AKAP9: variants seen among roughly 807,000 people sequenced by gnomAD.
AKAP9 encodes A-kinase anchoring protein 9.
Under a neutral mutation model 488.5 loss-of-function variants are expected in AKAP9, and 311 were observed. The ratio of observed to expected loss-of-function variants is 0.64; its 90% confidence interval spans 0.58 to 0.70. AKAP9 has a LOEUF of 0.70. AKAP9 is among the 30% of genes least tolerant of loss of function. The probability of loss-of-function intolerance (pLI) is 0.00; values close to 1 mark genes in which losing one functional copy is unlikely to be tolerated. For synonymous variants in AKAP9, 1,462 were observed against 1,483.5 expected, an observed-to-expected ratio of 0.99 and a Z score of 0.33; for missense variants, 4,215 against 4,374.5, an observed-to-expected ratio of 0.96 and a Z score of 1.03.
chr7:91,999,182 C>G (rs966546939), intron 7 of AKAP9, among the ~76,000 whole-genome samples: 2 of 152,132 alleles, frequency 1.3e-5, no homozygotes. Context: ...CTGAGACGAG[C>G]TACCTCAGAA....
chr7:92,079,926 G>T lies in AKAP9; in HGVS notation c.7793G>T (p.Gly2598Val). The change falls in exon 31 of 50, where the codon GGG becomes GTG. Residue 2598 changes from glycine (G) to valine (V), a missense_variant. Gly to Val is a moderately radical substitution (Grantham distance 109). Transcript: ENST00000356239. The stretch of plus-strand genomic sequence containing the variant: ...AATCAACTAAGAGAAGATGAGTTGG[G>T]GTCAGATATATCAGCATTAACCTTG... ...NLNQLREDEL[G>V]SDISALTLRI... The T allele has an allele frequency of 1.2e-6, 2 of 1,613,118 alleles. No individual in the cohort carries two copies. Among genetic ancestry groups the T allele is most frequent in the Non-Finnish European group, 1.7e-6 (2 of 1,179,594 alleles).
intron 28 of AKAP9, among the ~76,000 whole-genome samples, chr7:92,074,180 A>G (rs1474166331): frequency 6.6e-6 from 1 of 152,220 alleles, no homozygotes; most frequent in Non-Finnish European, 1.5e-5. Context: ...ACAAGAAAAA[A>G]CAACCCCATC....
chr7:92,088,757 T>C (rs182587325), intron 37 of AKAP9, among the ~76,000 whole-genome samples: 18 of 152,204 alleles, frequency 1.2e-4, no homozygotes, highest in Admixed American at 3.3e-4. Context: ...AGAAAACTAA[T>C]GATCAAATTT....
rs1026326592 is a variant in AKAP9, at chr7:92,110,475, G to C, written c.*316G>C. The C allele has an allele frequency of 2.6e-5, 10 of 381,426 alleles. No individual in the cohort carries two copies. The highest frequency in any genetic ancestry group is 2.0e-4 in the African/African-American group (10 of 48,874). 23.6% of individuals were successfully genotyped at this position (381,426 alleles called of 1,614,324 possible). On this transcript the variant is annotated 3_prime_UTR_variant, in exon 50 of 50. Transcript: ENST00000356239. Reference sequence around the variant, plus strand: ...AACTTTTACGCATTACAATACTGCTGAATGTGTAGCTCGAGGTGTCCTGCA... The same window carrying C: ...AACTTTTACGCATTACAATACTGCTCAATGTGTAGCTCGAGGTGTCCTGCA...
chr7:92,098,214 G>A lies in AKAP9; in HGVS notation c.10713G>A (p.Glu3571=). ...AATTAACTGGCCAGCAAGGTGAAGA[G>A]GTAATACTTTTTAAAAGTTATTTCT... The part of the protein sequence containing the change: ...LQKLTGQQGE[E]PSLVSPSTSC... Residue 3571 remains glutamate, a splice_region_variant and synonymous_variant, in exon 43 of 50, where the codon GAG becomes GAA. Coordinates refer to ENST00000356239, the MANE Select transcript of AKAP9 (RefSeq NM_005751.5). The A allele has an allele frequency of 1.3e-6, 2 of 1,581,330 alleles. No homozygotes were observed. Among genetic ancestry groups the A allele is most frequent in the Non-Finnish European group, 1.7e-6 (2 of 1,150,950 alleles).
intron 1 of AKAP9, among the ~76,000 whole-genome samples, chr7:91,952,852 C>T (rs1400701565): frequency 6.6e-6 from 1 of 152,142 alleles, no homozygotes; most frequent in Non-Finnish European, 1.5e-5. Flanking sequence ...CAGAGTCTCA[C>T]TCTTTCACCC....
In AKAP9 at chr7:92,002,408, G is replaced by T; in HGVS notation, c.2491G>T (p.Asp831Tyr). The T allele has an allele frequency of 6.2e-7, 1 of 1,609,806 alleles. No homozygotes were observed. Among genetic ancestry groups the T allele is most frequent in the South Asian group, 1.1e-5 (1 of 89,776 alleles). ...EIEILIEENE[D>Y]LKQQCIQLNE... ...AGAAATACTTATAGAGGAAAATGAG[G>T]ACCTCAAACAACAATGTATTCAGCT... The change falls in exon 8 of 50, where the codon GAC becomes TAC. Residue 831 changes from aspartate (D) to tyrosine (Y), a missense_variant. This residue lies in a region of AKAP9 where 2,361 missense variants were observed against 2,430.0 expected (regional missense o/e 0.97). Coordinates refer to ENST00000356239, the MANE Select transcript of AKAP9 (RefSeq NM_005751.5).
At chr7:92,007,094 T>C (rs75746922) in intron 8 of AKAP9, among the ~76,000 whole-genome samples, 1,861 of 152,158 alleles carry the variant, frequency 0.012, 37 homozygotes, top group African/African-American at 0.042. Context: ...AACAGTGAAA[T>C]AGCACAGGCC....
Position 92,079,755 on chromosome 7 carries a change from T to C in AKAP9, c.7622T>C (p.Val2541Ala). ...ACAGAAATGCTTCAAAAGAAGATTGTAAACCTACAGAAAATAGTTGAAGAA... is the reference window on the plus strand; with the variant it reads ...ACAGAAATGCTTCAAAAGAAGATTGCAAACCTACAGAAAATAGTTGAAGAA... ...FETEMLQKKI[V>A]NLQKIVEEKV... Residue 2541 changes from valine to alanine, a missense_variant, in exon 31 of 50, where the codon GTA (valine) becomes GCA (alanine). Val to Ala is a moderately conservative substitution (Grantham distance 64). Around this residue, in one of 5 missense-constraint regions of AKAP9, gnomAD observed 1,476 missense variants for 1,477.4 expected, o/e 1.00. Transcript: ENST00000356239. The C allele has an allele frequency of 6.2e-7, 1 of 1,614,098 alleles. No individual in the cohort carries two copies. Among genetic ancestry groups the C allele is most frequent in the Non-Finnish European group, 8.5e-7 (1 of 1,179,996 alleles).
At chr7:91,959,228 T>C (rs1793418437) in intron 1 of AKAP9, among the ~76,000 whole-genome samples, 1 of 152,170 alleles carries the variant, frequency 6.6e-6, no homozygotes, top group Admixed American at 6.5e-5. Flanking sequence ...CATTGCATAG[T>C]TGTGCAATAG....
intron 3 of AKAP9, among the ~76,000 whole-genome samples, chr7:91,985,722 A>C (rs923756227): frequency 6.6e-5 from 10 of 151,990 alleles, no homozygotes; most frequent in Non-Finnish European, 1.5e-4. Context: ...ATCTCAGCTC[A>C]CTGCAACCCT....
At chr7:92,074,847 A>C (rs112278128) in intron 28 of AKAP9, among the ~76,000 whole-genome samples, 5,234 of 152,168 alleles carry the variant, frequency 0.034, 262 homozygotes, top group African/African-American at 0.11. Flanking sequence ...AAACATCACA[A>C]ACCAGGGCCT....
intron 27 of AKAP9, among the ~76,000 whole-genome samples, chr7:92,070,593 A>G (rs10280310): frequency 6.6e-6 from 1 of 151,598 alleles, no homozygotes; most frequent in South Asian, 2.1e-4. Flanking sequence ...CGCCACCACA[A>G]CCAGCTGATT....
chr7:92,038,377 T>C, intron 16 of AKAP9, 42 bp from the exon 17 acceptor site: 1 of 1,489,998 alleles, frequency 6.7e-7, no homozygotes, highest in Non-Finnish European at 9.3e-7. Flanking sequence ...CCTGCTGATA[T>C]TTCTAAATCT....
In AKAP9 at chr7:91,988,312, A is replaced by G. The variant is rs1797351497; in HGVS notation, c.352-3846A>G. On this transcript the variant is annotated intron_variant, in intron 3 of 49. Transcript: ENST00000356239. The stretch of plus-strand genomic sequence containing the variant: ...GACCCCCTCTCAAAAAAAAAAAAAA[A>G]AAAAAAAAAAAAAGCTAGGTGATAG... Among the ~76,000 whole-genome samples, 6 of 150,012 alleles carry G rather than the reference A, an allele frequency of 4.0e-5. No homozygotes were observed. In the South Asian group the frequency reaches 1.3e-3, roughly 32 times the overall value.
intron 7 of AKAP9, among the ~76,000 whole-genome samples, chr7:91,998,605 A>C (rs974355508): frequency 2.0e-5 from 3 of 151,958 alleles, no homozygotes; most frequent in African/African-American, 7.2e-5. Context: ...GAATTAAATG[A>C]TTAAATGATA....
chr7:92,052,828 G>A lies in AKAP9; in HGVS notation c.5471G>A (p.Arg1824Gln), dbSNP rs970122684. 1.1e-5 allele frequency: 17 copies of A among 1,613,558 alleles called. No homozygotes were observed. Among genetic ancestry groups the A allele is most frequent in the African/African-American group, 8.0e-5 (6 of 74,864 alleles). ...VTEEGTELSQ[R>Q]LVRSGFAGTE... ...GAGGAAGGAACAGAGCTGTCACAACGACTTGTGAGGAGTGGTTTTGCTGGA... is the reference window on the plus strand; with the variant it reads ...GAGGAAGGAACAGAGCTGTCACAACAACTTGTGAGGAGTGGTTTTGCTGGA... The change falls in exon 22 of 50, where the codon CGA (arginine) becomes CAA (glutamine). Residue 1824 changes from arginine to glutamine, a missense_variant. Arg to Gln is a conservative substitution (Grantham distance 43, BLOSUM62 1). This residue lies in a region of AKAP9 where 2,361 missense variants were observed against 2,430.0 expected (regional missense o/e 0.97). Transcript: ENST00000356239.
At chr7:92,078,941 TTAAG>T in intron 30 of AKAP9, 134 bp from the exon 31 acceptor site, 1 of 576,404 alleles carries the variant, frequency 1.7e-6, no homozygotes, top group South Asian at 2.3e-5. Context: ...TATAATGAAA[TTAAG>T]TAGTATGTCT....
chr7:91,995,560 T>C (rs112229972), intron 6 of AKAP9, 43 bp from the exon 7 acceptor site: 2 of 1,573,914 alleles, frequency 1.3e-6, no homozygotes, highest in Non-Finnish European at 1.7e-6. Context: ...CCTAATACAG[T>C]CACTTCAGAA....
Sources: allele counts gnomAD v4.1 joint callset (sites outside exome capture counted in the v4.1 genomes callset), GRCh38; gene constraint gnomAD v4.1.1; regional missense constraint gnomAD v4.1.1; transcripts MANE v1.5; gene names NCBI Gene and HGNC (gene_info 2026-07-23, HGNC 2026-07-21).